NUF2: variants seen among roughly 807,000 people sequenced by gnomAD.
The protein encoded by NUF2 is kinetochore protein Nuf2.
A neutral mutation model predicts 61.8 loss-of-function variants in NUF2; 34 were observed. The observed-to-expected ratio is 0.55, with a 90% CI of 0.42 to 0.73. The LOEUF (loss-of-function observed/expected upper bound fraction) is 0.73, where lower values mean the gene tolerates loss of function less well. Among genes scored for constraint, NUF2 ranks in the 30% least tolerant of loss-of-function variants. The pLI is 0.00. For missense variants in NUF2, 445 were observed against 539.1 expected (o/e 0.83, Z 1.73); for synonymous variants, 172 against 181.6 (o/e 0.95, Z 0.42).
At chr1:163,324,435 T>A (rs192839054) in intron 1 of NUF2, among the ~76,000 whole-genome samples, 24 of 152,342 alleles carry the variant, frequency 1.6e-4, no homozygotes, top group Admixed American at 1.5e-3. Flanking sequence ...AGTTATTTGT[T>A]AGTGGTTGTT....
chr1:163,352,163 C>T (rs1651342094), intron 13 of NUF2, among the ~76,000 whole-genome samples: 1 of 152,116 alleles, frequency 6.6e-6, no homozygotes, highest in Admixed American at 6.5e-5. Context: ...ATAATTCTGA[C>T]ATCCAGATAA....
At position 163,340,364 on chromosome 1, in the gene NUF2, A is replaced by G. The variant is rs1650901196; in HGVS notation, c.607A>G (p.Ile203Val). The G allele has an allele frequency of 1.2e-6, 2 of 1,608,542 alleles. No homozygotes were observed. The highest frequency in any genetic ancestry group is 1.7e-6 in the Non-Finnish European group (2 of 1,176,384). The change falls in exon 9 of 14, where the codon ATA becomes GTA. Residue 203 changes from isoleucine to valine, a missense_variant and splice_region_variant. Coordinates refer to ENST00000271452, the MANE Select transcript of NUF2 (RefSeq NM_145697.3). ...AAAACGTGTTTGCTTTTTCCCTTAG[A>G]TAGTGCTGCAAGAGGGAAATTCCCA... Reference protein sequence around the residue: ...SLNQDFHQKTIVLQEGNSQKK... With the variant: ...SLNQDFHQKTVVLQEGNSQKK...
Position 163,345,828 on chromosome 1 carries a change from G to A in NUF2, c.948+10G>A. On this transcript the variant is annotated intron_variant, in intron 11 of 13. Transcript: ENST00000271452. ...CAGTATCTTAAAGGAGGTTTGTATTGTATGGAATTTTGATGTCTTTATTAT... is the reference window on the plus strand; with the variant it reads ...CAGTATCTTAAAGGAGGTTTGTATTATATGGAATTTTGATGTCTTTATTAT... The A allele has an allele frequency of 6.4e-7, 1 of 1,571,400 alleles. No homozygotes were observed. Among genetic ancestry groups the A allele is most frequent in the Non-Finnish European group, 8.7e-7 (1 of 1,153,988 alleles).
In NUF2 at chr1:163,345,480, G is replaced by T. The variant is rs1261744176; in HGVS notation, c.808-198G>T. On this transcript the variant is annotated intron_variant, in intron 10 of 13. Coordinates refer to ENST00000271452, the MANE Select transcript of NUF2 (RefSeq NM_145697.3). ...CTTTTCCTTTGTTTGAAGATACTTG[G>T]CAATTAAAAAACAATTATTTGTGCT... 5.3e-5 allele frequency among the ~76,000 whole-genome samples: 8 copies of T among 152,148 alleles called. No individual in the cohort carries two copies. In the East Asian group the frequency reaches 1.5e-3, roughly 29 times the overall value.
At chr1:163,350,886 CA>C (rs1651295031) in intron 13 of NUF2, among the ~76,000 whole-genome samples, 2 of 152,060 alleles carry the variant, frequency 1.3e-5, no homozygotes, top group African/African-American at 4.8e-5. Flanking sequence ...TCTACTAGGG[CA>C]GCTTTAATTG....
chr1:163,336,925 GATTGTC>G, intron 6 of NUF2, 77 bp downstream of exon 6: 1 of 921,870 alleles, frequency 1.1e-6, no homozygotes, highest in South Asian at 1.4e-5. Context: ...GTTTTGAAAT[GATTGTC>G]ATAGACAGCA....
intron 11 of NUF2, among the ~76,000 whole-genome samples, chr1:163,346,823 A>C (rs1651151364): frequency 6.6e-6 from 1 of 151,978 alleles, no homozygotes; most frequent in Non-Finnish European, 1.5e-5. Flanking sequence ...TTCCAGTCTG[A>C]GTGACAGAGT....
In NUF2 at chr1:163,355,692, C is replaced by A; in HGVS notation, c.*223C>A. On this transcript the variant is annotated 3_prime_UTR_variant, in exon 14 of 14. Coordinates refer to ENST00000271452, the MANE Select transcript of NUF2 (RefSeq NM_145697.3). ...AGCTATTCATGTCTCTACTCTGCCCCTTGTTGTAAATAGTTTGAGTAAAAC... is the reference window on the plus strand; with the variant it reads ...AGCTATTCATGTCTCTACTCTGCCCATTGTTGTAAATAGTTTGAGTAAAAC... The A allele has an allele frequency of 3.4e-6, 1 of 293,206 alleles. No homozygotes were observed. Among genetic ancestry groups the A allele is most frequent in the Non-Finnish European group, 6.3e-6 (1 of 157,680 alleles). The allele number at this position is 293,206 out of a possible 1,614,324, so 18.2% of individuals were successfully genotyped here. A position where few individuals can be genotyped will look rare whatever the true frequency, so the allele number is the denominator to read the frequency against.
At chr1:163,348,083 G>A (rs951548137) in intron 12 of NUF2, 145 bp downstream of exon 12, 6 of 534,470 alleles carry the variant, frequency 1.1e-5, no homozygotes, top group Non-Finnish European at 1.9e-5. Context: ...GACTAAAACA[G>A]ATGAGTTAAT....
intron 11 of NUF2, among the ~76,000 whole-genome samples, chr1:163,347,224 C>G (rs1651163597): frequency 6.6e-6 from 1 of 152,162 alleles, no homozygotes; most frequent in Non-Finnish European, 1.5e-5. Context: ...CTTGAAAATC[C>G]TTTTTTGCTT....
intron 8 of NUF2, chr1:163,340,135 G>A (rs1571388380): frequency 2.1e-6 from 1 of 465,844 alleles, no homozygotes; most frequent in Admixed American, 4.2e-5. Flanking sequence ...TTTTCAAAGG[G>A]CTACAATGTT....
chr1:163,339,546 T>G, intron 8 of NUF2, 69 bp downstream of exon 8: 2 of 864,226 alleles, frequency 2.3e-6, no homozygotes, highest in Non-Finnish European at 3.8e-6. Context: ...GGACATATAG[T>G]GGAGGTAACA....
At chr1:163,352,988 A>G (rs537509784) in intron 13 of NUF2, among the ~76,000 whole-genome samples, 1 of 152,364 alleles carries the variant, frequency 6.6e-6, no homozygotes, top group Admixed American at 6.5e-5. Flanking sequence ...TCTCTCAAAT[A>G]CTATAGCACT....
chr1:163,346,471 A>G (rs558337825), intron 11 of NUF2, among the ~76,000 whole-genome samples: 4 of 152,194 alleles, frequency 2.6e-5, no homozygotes, highest in Non-Finnish European at 5.9e-5. Context: ...CTAGATCCTC[A>G]AGGCACTATG....
intron 9 of NUF2, among the ~76,000 whole-genome samples, chr1:163,341,810 A>G (rs1650956199): frequency 6.6e-6 from 1 of 151,884 alleles, no homozygotes; most frequent in Non-Finnish European, 1.5e-5. Flanking sequence ...TTGTATTTTT[A>G]GTAGAGATGG....
At chr1:163,327,169 C>T (rs1650451868) in intron 2 of NUF2, among the ~76,000 whole-genome samples, 3 of 151,928 alleles carry the variant, frequency 2.0e-5, no homozygotes, top group Non-Finnish European at 4.4e-5. Flanking sequence ...ATTTCTGCCA[C>T]ATGCCTGACA....
chr1:163,355,239 A>G, intron 13 of NUF2, 96 bp from the exon 14 acceptor site: 1 of 930,474 alleles, frequency 1.1e-6, no homozygotes. Context: ...GCTTTAAAAT[A>G]TTAATAAATA....
At chr1:163,325,721 T>C (rs1650395280) in intron 1 of NUF2, among the ~76,000 whole-genome samples, 1 of 152,172 alleles carries the variant, frequency 6.6e-6, no homozygotes. Flanking sequence ...GGCCCTCAAA[T>C]GTAAAAGAGA....
At chr1:163,338,237 T>TTA (rs1650828141) in intron 7 of NUF2, 144 bp downstream of exon 7, 2 of 371,394 alleles carry the variant, frequency 5.4e-6, no homozygotes, top group Non-Finnish European at 9.8e-6. Flanking sequence ...TGCCTTTTCT[T>TTA]AAAAAAAAAA....
Sources: gnomAD v4.1 joint callset for allele counts (sites outside exome capture counted in the v4.1 genomes callset) on GRCh38, gnomAD v4.1.1 for gene constraint, MANE v1.5 for transcripts, NCBI Gene and HGNC (gene_info 2026-07-23, HGNC 2026-07-21) for gene names.